Variants in IGLL5 observed in about 807,000 individuals in gnomAD.
IGLL5 encodes immunoglobulin lambda like polypeptide 5.
A neutral mutation model predicts 20.9 loss-of-function variants in IGLL5; 30 were observed. The observed-to-expected ratio is 1.44, with a 90% confidence interval of 1.07 to 1.95. The LOEUF (loss-of-function observed/expected upper bound fraction) is 1.95, where lower values mean the gene tolerates loss of function less well. Ranked by LOEUF, IGLL5 falls within the 30% of genes most tolerant of loss-of-function variation. The pLI is 0.00. For missense variants in IGLL5, 475 were observed against 270.7 expected, an observed-to-expected ratio of 1.75 and a Z score of -5.30; for synonymous variants, 203 against 117.3, an observed-to-expected ratio of 1.73 and a Z score of -4.72.
Position 22,895,805 on chromosome 22 carries a change from C to CT in IGLL5, c.*111_*112insT, listed in dbSNP as rs1297985134. 4.1e-6 allele frequency: 4 copies of CT among 970,654 alleles called. No homozygotes were observed. The Admixed American group carries it at 6.0e-5, about 14-fold the overall frequency. The allele number at this position is 970,654 out of a possible 1,614,324, so 60.1% of individuals were successfully genotyped here. A position where few individuals can be genotyped will look rare whatever the true frequency, so the allele number is the denominator to read the frequency against. On this transcript the variant is annotated 3_prime_UTR_variant, in exon 3 of 3. Coordinates refer to ENST00000526893, the MANE Select transcript of IGLL5 (RefSeq NM_001178126.2). ...CCCTTCTCCCTGCACTCATGAAACC[C>CT]CAATAAATATCCTCATTGACAACCA...
At chr22:22,890,825 T>C (rs1317398338) in intron 1 of IGLL5, among the ~76,000 whole-genome samples, 1 of 151,128 alleles carries the variant, frequency 6.6e-6, no homozygotes, top group Non-Finnish European at 1.5e-5. Context: ...AAATTGAATG[T>C]GTTTATGGTT....
In IGLL5 at chr22:22,890,648, A is replaced by T. The variant is rs113867254; in HGVS notation, c.206+2389A>T. Among the ~76,000 whole-genome samples the T allele has an allele frequency of 4.9e-3, 729 of 149,720 alleles. 7 individuals carry two copies. Among genetic ancestry groups the T allele is most frequent in the African/African-American group, 0.017 (679 of 40,730 alleles). On this transcript the variant is annotated intron_variant, in intron 1 of 2. Coordinates refer to ENST00000526893, the MANE Select transcript of IGLL5 (RefSeq NM_001178126.2). ...TATCTCCCCAGGATAGATGCCTAAAAGTGGAATTGCTGGATCAGAGAGAAT... is the reference window on the plus strand; with the variant it reads ...TATCTCCCCAGGATAGATGCCTAAATGTGGAATTGCTGGATCAGAGAGAAT...
At position 22,887,972 on chromosome 22, in the gene IGLL5, C is replaced by T. The variant is rs145026872; in HGVS notation, c.-82C>T. 16 of 1,115,392 alleles carry T rather than the reference C, an allele frequency of 1.4e-5. 1 individual carries two copies. Among genetic ancestry groups the T allele is most frequent in the Middle Eastern group, 2.1e-4 (1 of 4,690 alleles). 69.1% of individuals were successfully genotyped at this position (1,115,392 alleles called of 1,614,324 possible). On this transcript the variant is annotated 5_prime_UTR_variant, in exon 1 of 3. Coordinates refer to ENST00000526893, the MANE Select transcript of IGLL5 (RefSeq NM_001178126.2). ...ACTGGGGTGTACTGTAACAGCCCTG[C>T]TGGCGAGAGGGACCAGGGCACCGTC...
chr22:22,894,837 A>T (rs537271871), intron 2 of IGLL5, among the ~76,000 whole-genome samples: 1 of 151,376 alleles, frequency 6.6e-6, no homozygotes, highest in Non-Finnish European at 1.5e-5. Flanking sequence ...CAGGAGAGCC[A>T]AGTGGGCTGG....
At chr22:22,892,780 T>G (rs1400047691) in intron 1 of IGLL5, among the ~76,000 whole-genome samples, 1 of 151,000 alleles carries the variant, frequency 6.6e-6, no homozygotes, top group Non-Finnish European at 1.5e-5. Flanking sequence ...GAGGGTCAGA[T>G]GCAGAGAAAA....
intron 2 of IGLL5, among the ~76,000 whole-genome samples, chr22:22,894,659 T>A (rs1342394270): frequency 6.7e-6 from 1 of 148,382 alleles, no homozygotes; most frequent in East Asian, 2.1e-4. Context: ...TTTGGGGTCA[T>A]CACAGGCTGC....
At chr22:22,888,776 G>A (rs543181302) in intron 1 of IGLL5, among the ~76,000 whole-genome samples, 2 of 151,442 alleles carry the variant, frequency 1.3e-5, no homozygotes, top group Admixed American at 6.6e-5. Context: ...CCAGGCTCAA[G>A]GACACAGGGA....
At chr22:22,894,894 A>G (rs550806462) in intron 2 of IGLL5, among the ~76,000 whole-genome samples, 1 of 151,278 alleles carries the variant, frequency 6.6e-6, no homozygotes, top group African/African-American at 2.4e-5. Flanking sequence ...GCTCCAGTTC[A>G]AAGCAGGCTT....
chr22:22,894,845 T>C (rs2066701888), intron 2 of IGLL5, among the ~76,000 whole-genome samples: 4 of 151,396 alleles, frequency 2.6e-5, no homozygotes, highest in East Asian at 2.0e-4. Flanking sequence ...CCAAGTGGGC[T>C]GGGCTGGGGC....
In IGLL5 at chr22:22,887,905, A is replaced by G. The variant is rs534607008; in HGVS notation, c.-149A>G. Reference sequence around the variant, plus strand: ...GACCCTGGAAGGGCCTGGGCTAGGGACAGGGACCAGAGCCAGTCCAGGGAG... The same window carrying G: ...GACCCTGGAAGGGCCTGGGCTAGGGGCAGGGACCAGAGCCAGTCCAGGGAG... On this transcript the variant is annotated 5_prime_UTR_variant, in exon 1 of 3. Transcript: ENST00000526893. The G allele has an allele frequency of 1.4e-6, 1 of 715,360 alleles. No homozygotes were observed. The highest frequency in any genetic ancestry group is 2.5e-6 in the Non-Finnish European group (1 of 398,732). 44.3% of individuals were successfully genotyped at this position (715,360 alleles called of 1,614,324 possible). A position where few individuals can be genotyped will look rare whatever the true frequency, so the allele number is the denominator to read the frequency against.
intron 1 of IGLL5, among the ~76,000 whole-genome samples, chr22:22,890,493 A>G (rs2067802864): frequency 6.8e-6 from 1 of 147,372 alleles, no homozygotes; most frequent in African/African-American, 2.5e-5. Flanking sequence ...CAAAGTTTAG[A>G]TGAGCCAGAA....
intron 1 of IGLL5, among the ~76,000 whole-genome samples, chr22:22,889,579 A>G (rs570237564): frequency 1.3e-5 from 2 of 151,160 alleles, no homozygotes; most frequent in East Asian, 2.0e-4. Flanking sequence ...ACACAATTGT[A>G]TTTGGGGGAC....
intron 1 of IGLL5, among the ~76,000 whole-genome samples, chr22:22,889,397 G>C (rs2067715110): frequency 6.6e-6 from 1 of 151,250 alleles, no homozygotes; most frequent in African/African-American, 2.4e-5. Flanking sequence ...AAAACAAAGT[G>C]TGTTTATCTA....
At chr22:22,895,345 C>T in intron 2 of IGLL5, 30 bp from the exon 3 acceptor site, 3 of 1,594,024 alleles carry the variant, frequency 1.9e-6, no homozygotes, top group Non-Finnish European at 2.6e-6. Context: ...TTCTGTCTGC[C>T]CTCTCTCACC....
chr22:22,889,202 C>G (rs540125833), intron 1 of IGLL5, among the ~76,000 whole-genome samples: 2 of 151,006 alleles, frequency 1.3e-5, no homozygotes, highest in East Asian at 2.0e-4. Flanking sequence ...GGTGGGGATC[C>G]TGGAGGAAGC....
chr22:22,894,092 A>G (rs542627523), intron 2 of IGLL5, among the ~76,000 whole-genome samples: 3 of 151,324 alleles, frequency 2.0e-5, no homozygotes, highest in Admixed American at 6.6e-5. Flanking sequence ...CAGATGTCTG[A>G]GTGAGGGACA....
chr22:22,894,428 T>C (rs1601626283), intron 2 of IGLL5, among the ~76,000 whole-genome samples: 4 of 151,268 alleles, frequency 2.6e-5, no homozygotes, highest in Middle Eastern at 3.7e-3. Flanking sequence ...TGAGACTGGG[T>C]GAGGTGCCAG....
rs1278887039 is a variant in IGLL5, at chr22:22,887,953, G to A, written c.-101G>A. ...GAGAGGACAGAGCCAATGGACTGGG[G>A]TGTACTGTAACAGCCCTGCTGGCGA... is the stretch of plus-strand genomic sequence containing the variant. On this transcript the variant is annotated 5_prime_UTR_variant, in exon 1 of 3. It adds an upstream start codon to the 5' untranslated region. Transcript: ENST00000526893. 7 of 910,040 alleles carry A rather than the reference G, an allele frequency of 7.7e-6. No individual in the cohort carries two copies. The highest frequency in any genetic ancestry group is 4.0e-5 in the Admixed American group (2 of 49,946). 56.4% of individuals were successfully genotyped at this position (910,040 alleles called of 1,614,324 possible). A position where few individuals can be genotyped will look rare whatever the true frequency, so the allele number is the denominator to read the frequency against.
In IGLL5 at chr22:22,888,132, CT is replaced by C; in HGVS notation, c.80del (p.Leu27ArgfsTer82). 1.3e-6 allele frequency: 2 copies of C among 1,549,618 alleles called. No individual in the cohort carries two copies. Among genetic ancestry groups the C allele is most frequent in the Non-Finnish European group, 8.7e-7 (1 of 1,146,812 alleles). On this transcript the variant is annotated frameshift_variant, in exon 1 of 3. Transcript: ENST00000526893. LOFTEE classifies it high-confidence loss of function. Reference sequence around the variant, plus strand: ...TGGTCCCAGGCAGCGCTGGCCCCTGCTGCTGCTGGGTCTGGCCATGGTCGCC... The same window carrying C: ...TGGTCCCAGGCAGCGCTGGCCCCTGCGCTGCTGGGTCTGGCCATGGTCGCC... ...GPGPRQRWPL[L>X]LLGLAMVAHG...
Sources: gnomAD v4.1 joint callset for allele counts (sites outside exome capture counted in the v4.1 genomes callset) on GRCh38, gnomAD v4.1.1 for gene constraint, MANE v1.5 for transcripts, NCBI Gene and HGNC (gene_info 2026-07-23, HGNC 2026-07-21) for gene names.